The following LTBP1 variants were observed in gnomAD, a reference collection of about 807,000 sequenced individuals.
LTBP1 encodes the protein latent transforming growth factor beta binding protein 1.
Under a neutral mutation model 207.6 loss-of-function variants are expected in LTBP1, and 129 were observed. That is an observed-to-expected ratio of 0.62 (90% CI 0.54 to 0.72). The LOEUF is 0.72. Among genes scored for constraint, LTBP1 ranks in the 30% least tolerant of loss-of-function variants. The pLI is 0.00. For missense variants in LTBP1, 2,281 were observed against 2,217.2 expected (o/e 1.03, Z -0.58); for synonymous variants, 963 against 833.7 (o/e 1.16, Z -2.67).
intron 24 of LTBP1, among the ~76,000 whole-genome samples, chr2:33,331,989 A>C (rs1573879085): frequency 6.6e-6 from 1 of 152,098 alleles, no homozygotes; most frequent in East Asian, 1.9e-4. Flanking sequence ...ACATAATATA[A>C]TTTCAAGCAA....
intron 7 of LTBP1, among the ~76,000 whole-genome samples, chr2:33,200,137 T>C (rs1467721508): frequency 6.6e-6 from 1 of 152,156 alleles, no homozygotes; most frequent in Non-Finnish European, 1.5e-5. Flanking sequence ...CAAAAGTTCA[T>C]ATGGAACCAA....
At position 33,027,761 on chromosome 2, in the gene LTBP1, C is replaced by T. The variant is rs151206498; in HGVS notation, c.863+6555C>T. On this transcript the variant is annotated intron_variant, in intron 3 of 33. Coordinates refer to ENST00000404816, the MANE Select transcript of LTBP1 (RefSeq NM_206943.4). ...CAGAGGCAGGAGAATCGCTTGAACC[C>T]GGGAGGTGGAGGTTGCAGTGAGCTG... 5.3e-3 allele frequency among the ~76,000 whole-genome samples: 803 copies of T among 152,182 alleles called. 50 individuals are homozygous for T. The East Asian group carries it at 0.13, about 25-fold the overall frequency.
chr2:33,254,993 T>G (rs1300700040), intron 11 of LTBP1, among the ~76,000 whole-genome samples: 1 of 144,988 alleles, frequency 6.9e-6, no homozygotes. Context: ...TAGTTACATA[T>G]GTATACATGT....
At chr2:33,332,372 C>CAAAAAAA (rs745342264) in intron 24 of LTBP1, among the ~76,000 whole-genome samples, 1 of 52,480 alleles carries the variant, frequency 1.9e-5, no homozygotes, top group African/African-American at 8.1e-5. Flanking sequence ...ACACCATCTC[C>CAAAAAAA]AAAAAAAAAA....
chr2:33,298,807 TAAATA>T (rs2093929921), intron 20 of LTBP1, among the ~76,000 whole-genome samples: 3 of 152,184 alleles, frequency 2.0e-5, no homozygotes, highest in South Asian at 4.1e-4. Context: ...TATGAAATAT[TAAATA>T]AAATAAGAAA....
At chr2:33,277,086 C>G (rs2148457290) in intron 18 of LTBP1, among the ~76,000 whole-genome samples, 1 of 152,262 alleles carries the variant, frequency 6.6e-6, no homozygotes, top group South Asian at 2.1e-4. Context: ...ACTAGGTTGG[C>G]ACAGCCAGCC....
At position 33,333,168 on chromosome 2, in the gene LTBP1, T is replaced by C. The variant is rs142592645; in HGVS notation, c.3731-9670T>C. Among the ~76,000 whole-genome samples, 87 of 152,246 alleles carry C rather than the reference T, an allele frequency of 5.7e-4. 1 individual carries two copies. In the East Asian group the frequency reaches 0.015, roughly 26 times the overall value. On this transcript the variant is annotated intron_variant, in intron 24 of 33. Transcript: ENST00000404816. ...ATGCACATTTTTTCACCTTTAATAC[T>C]GGGGCACTTCCTACAGTTGAAGTGA...
At position 32,947,376 on chromosome 2, in the gene LTBP1, G is replaced by T. The variant is rs912123891; in HGVS notation, c.52G>T (p.Ala18Ser). The part of the protein sequence containing the change: ...WGLLLWAGLL[A>S]SSAHGRLRRI... Reference sequence around the variant, plus strand: ...GCTCCTGCTCTGGGCAGGGCTCCTCGCGTCCTCGGCGCACGGCCGGCTGCG... The same window carrying T: ...GCTCCTGCTCTGGGCAGGGCTCCTCTCGTCCTCGGCGCACGGCCGGCTGCG... The change falls in exon 1 of 34, where the codon GCG (alanine) becomes TCG (serine). Residue 18 changes from alanine (A) to serine (S), a missense_variant. Transcript: ENST00000404816. The T allele has an allele frequency of 2.9e-6, 4 of 1,365,066 alleles. No individual in the cohort carries two copies. The East Asian group carries it at 9.4e-5, about 32-fold the overall frequency. 84.6% of individuals were successfully genotyped at this position (1,365,066 alleles called of 1,614,324 possible).
rs1249379995 is a variant in LTBP1, at chr2:33,360,586, A to G, written c.4001-11A>G. 5 of 1,594,792 alleles carry G rather than the reference A, an allele frequency of 3.1e-6. No homozygotes were observed. The highest frequency in any genetic ancestry group is 4.3e-6 in the Non-Finnish European group (5 of 1,162,650). ...GTCCTATTGTCACTCTACTTTCTCT[A>G]CTCCATTTAGATTTAGATGTAGATG... On this transcript the variant is annotated splice_polypyrimidine_tract_variant and intron_variant, in intron 26 of 33. Coordinates refer to ENST00000404816, the MANE Select transcript of LTBP1 (RefSeq NM_206943.4).
At chr2:33,364,073 C>G (rs1310788644) in intron 29 of LTBP1, 143 bp from the exon 30 acceptor site, 1 of 684,496 alleles carries the variant, frequency 1.5e-6, no homozygotes, top group Non-Finnish European at 2.4e-6. Flanking sequence ...GAGCCACTCT[C>G]TTTTGGATGA....
At chr2:33,198,745 T>C (rs1216378127) in intron 7 of LTBP1, among the ~76,000 whole-genome samples, 2 of 152,158 alleles carry the variant, frequency 1.3e-5, no homozygotes, top group South Asian at 4.1e-4. Flanking sequence ...GGTGGTGATA[T>C]CCCCTTTATC....
At chr2:33,078,922 G>A (rs1428805551) in intron 3 of LTBP1, among the ~76,000 whole-genome samples, 4 of 137,592 alleles carry the variant, frequency 2.9e-5, no homozygotes, top group East Asian at 2.5e-4. Flanking sequence ...GCAGTGGCAC[G>A]ATCTCGGCTC....
At chr2:33,173,573 G>A (rs949858272) in intron 5 of LTBP1, among the ~76,000 whole-genome samples, 4 of 151,770 alleles carry the variant, frequency 2.6e-5, no homozygotes, top group Non-Finnish European at 4.4e-5. Context: ...TTCTACCAGA[G>A]GTACAAGGAG....
At chr2:33,163,856 T>G (rs567012689) in intron 5 of LTBP1, among the ~76,000 whole-genome samples, 122 of 152,278 alleles carry the variant, frequency 8.0e-4, no homozygotes, top group African/African-American at 2.9e-3. Flanking sequence ...AATGGCCATA[T>G]CATTAACTGG....
chr2:33,325,436 C>A (rs192466899), intron 24 of LTBP1, among the ~76,000 whole-genome samples: 19 of 152,248 alleles, frequency 1.2e-4, no homozygotes, highest in Middle Eastern at 3.4e-3. Context: ...GGGCTTTCTC[C>A]CAGTCCTCAC....
chr2:33,370,483 A>AGCT (rs923763562), intron 31 of LTBP1, among the ~76,000 whole-genome samples: 47 of 152,252 alleles, frequency 3.1e-4, no homozygotes, highest in African/African-American at 1.1e-3. Context: ...ATAAGTCCCA[A>AGCT]GCTGCTGCTG....
At chr2:33,216,714 G>C (rs1324031348) in intron 7 of LTBP1, among the ~76,000 whole-genome samples, 1 of 152,172 alleles carries the variant, frequency 6.6e-6, no homozygotes, top group Non-Finnish European at 1.5e-5. Flanking sequence ...GAGTCAGCTG[G>C]TCCTCCCCTC....
intron 26 of LTBP1, among the ~76,000 whole-genome samples, chr2:33,350,165 T>C (rs1348850716): frequency 6.6e-6 from 1 of 152,250 alleles, no homozygotes; most frequent in Non-Finnish European, 1.5e-5. Context: ...ATACTGAAGC[T>C]GAGAGCTCAT....
At chr2:33,171,541 T>C (rs1206282878) in intron 5 of LTBP1, among the ~76,000 whole-genome samples, 6 of 151,124 alleles carry the variant, frequency 4.0e-5, no homozygotes, top group African/African-American at 1.5e-4. Flanking sequence ...TTGGTGTACC[T>C]GAAAGTGACG....
Sources: allele counts gnomAD v4.1 joint callset (sites outside exome capture counted in the v4.1 genomes callset), GRCh38; gene constraint gnomAD v4.1.1; transcripts MANE v1.5; gene names NCBI Gene and HGNC (gene_info 2026-07-23, HGNC 2026-07-21).